The following MAP3K14 variants were observed in gnomAD, a reference collection of about 807,000 sequenced individuals.
MAP3K14 encodes mitogen-activated protein kinase kinase kinase 14, also known as NF-kappa-beta-inducing kinase.
Under a neutral mutation model 99.2 loss-of-function variants are expected in MAP3K14, and 16 were observed. The observed-to-expected ratio is 0.16, with a 90% CI of 0.11 to 0.24. The LOEUF (loss-of-function observed/expected upper bound fraction) is 0.24. Among genes scored for constraint, MAP3K14 ranks in the 10% least tolerant of loss-of-function variants. The probability of loss-of-function intolerance (pLI) is 1.00; values close to 1 mark genes in which losing one functional copy is unlikely to be tolerated. For missense variants in MAP3K14, 784 were observed against 1,208.7 expected, an observed-to-expected ratio of 0.65 and a Z score of 5.21; for synonymous variants, 462 against 492.4, an observed-to-expected ratio of 0.94 and a Z score of 0.82.
At chr17:45,301,833 CT>C (rs34664244) in intron 1 of MAP3K14, among the ~76,000 whole-genome samples, 31,570 of 133,778 alleles carry the variant, frequency 0.24, 2,825 homozygotes, top group Non-Finnish European at 0.29. Context: ...TCTCAGTTCT[CT>C]TTTTTTTTTT....
chr17:45,287,782 C>T (rs1202863879), intron 3 of MAP3K14, among the ~76,000 whole-genome samples: 6 of 152,142 alleles, frequency 3.9e-5, no homozygotes, highest in Non-Finnish European at 7.4e-5. Flanking sequence ...GAGGGGGCCA[C>T]GCTCATGGCA....
intron 1 of MAP3K14, among the ~76,000 whole-genome samples, chr17:45,311,961 A>G (rs555399007): frequency 8.0e-4 from 122 of 152,198 alleles, no homozygotes; most frequent in African/African-American, 2.6e-3. Flanking sequence ...TGCCCCGTCC[A>G]CGATCCCCCC....
In MAP3K14 at chr17:45,263,766, A is replaced by T. The variant is rs1325235485; in HGVS notation, c.*870T>A. 1 of 152,680 alleles carries T rather than the reference A, an allele frequency of 6.5e-6. No homozygotes were observed. Among genetic ancestry groups the T allele is most frequent in the East Asian group, 1.9e-4 (1 of 5,192 alleles). The allele number at this position is 152,680 out of a possible 1,614,324, so 9.5% of individuals were successfully genotyped here. On this transcript the variant is annotated 3_prime_UTR_variant, in exon 16 of 16. Transcript: ENST00000344686. ...AGCGTCTCTCTCTGCTGCTTTCCTT[A>T]GCACTGATCATGTCCATCCACAGAC...
In MAP3K14 at chr17:45,304,862, T is replaced by C. The variant is rs1332986680; in HGVS notation, c.-21+12098A>G. On this transcript the variant is annotated intron_variant, in intron 1 of 15. Coordinates refer to ENST00000344686, the MANE Select transcript of MAP3K14 (RefSeq NM_003954.5). ...GTGTGACCATGGGCAGGTCACATAA[T>C]CTGAGACTCAGGAGTCTTATCTGTA... Among the ~76,000 whole-genome samples the C allele has an allele frequency of 3.9e-5, 6 of 152,296 alleles. No individual in the cohort carries two copies. In the East Asian group the frequency reaches 7.7e-4, roughly 20 times the overall value.
intron 1 of MAP3K14, among the ~76,000 whole-genome samples, chr17:45,313,516 C>T (rs1043533895): frequency 1.3e-5 from 2 of 152,148 alleles, no homozygotes; most frequent in African/African-American, 2.4e-5. Flanking sequence ...ACAGGCAGGC[C>T]GTGGCAGACC....
chr17:45,316,014 C>A (rs2044528701), intron 1 of MAP3K14, among the ~76,000 whole-genome samples: 1 of 152,340 alleles, frequency 6.6e-6, no homozygotes, highest in East Asian at 1.9e-4. Context: ...TCACTCTAAT[C>A]ATTTAATTTC....
intron 11 of MAP3K14, 89 bp downstream of exon 11, chr17:45,270,324 G>A: frequency 6.8e-7 from 1 of 1,470,034 alleles, no homozygotes; most frequent in Non-Finnish European, 9.1e-7. Context: ...GCTCTGAGGG[G>A]TGCCTTGCTC....
Position 45,289,241 on chromosome 17 carries a change from C to G in MAP3K14, c.321G>C (p.Gln107His). Reference sequence around the variant, plus strand: ...GGCTTGTCTCCCCTGCTTACCTGTACTGTTTGGACCCAGCGATGAAAATGC... The same window carrying G: ...GGCTTGTCTCCCCTGCTTACCTGTAGTGTTTGGACCCAGCGATGAAAATGC... Reference protein sequence around the residue: ...SERIFIAGSKQYSQSESLDQI... With the variant: ...SERIFIAGSKHYSQSESLDQI... The change falls in exon 3 of 16, where the codon CAG (glutamine) becomes CAC (histidine). Residue 107 changes from glutamine to histidine, a missense_variant. By Grantham distance (24) the Gln-to-His change is conservative. Transcript: ENST00000344686. 6.2e-7 allele frequency: 1 copy of G among 1,613,822 alleles called. No individual in the cohort carries two copies. The highest frequency in any genetic ancestry group is 8.5e-7 in the Non-Finnish European group (1 of 1,179,752).
At chr17:45,290,377 TC>T (rs2044300884) in intron 2 of MAP3K14, 112 bp downstream of exon 2, 3 of 1,319,770 alleles carry the variant, frequency 2.3e-6, no homozygotes, top group Non-Finnish European at 3.1e-6. Context: ...CTCATGAGAA[TC>T]TTATCTAGCA....
chr17:45,272,732 G>A lies in MAP3K14; in HGVS notation c.1657+771C>T, dbSNP rs1290930343. On this transcript the variant is annotated intron_variant, in intron 9 of 15. Coordinates refer to ENST00000344686, the MANE Select transcript of MAP3K14 (RefSeq NM_003954.5). This position sits in a 1 kb window ranked among gnomAD's most constrained non-coding sequence, Gnocchi z 4.1. Reference sequence around the variant, plus strand: ...AGTGGGGCGGATCACCTAAGGTCTGGAGTTTGAGACTGGCCTGGCCAATAT... The same window carrying A: ...AGTGGGGCGGATCACCTAAGGTCTGAAGTTTGAGACTGGCCTGGCCAATAT... Among the ~76,000 whole-genome samples, 2 of 152,214 alleles carry A rather than the reference G, an allele frequency of 1.3e-5. No individual in the cohort carries two copies. The highest frequency in any genetic ancestry group is 2.9e-5 in the Non-Finnish European group (2 of 68,042).
At chr17:45,287,968 G>A (rs1347896424) in intron 3 of MAP3K14, among the ~76,000 whole-genome samples, 1 of 152,310 alleles carries the variant, frequency 6.6e-6, no homozygotes, top group East Asian at 1.9e-4. Flanking sequence ...TGGCCTCGGG[G>A]CTCATCACTG....
At chr17:45,299,787 T>A (rs1175592134) in intron 1 of MAP3K14, among the ~76,000 whole-genome samples, 1 of 152,138 alleles carries the variant, frequency 6.6e-6, no homozygotes, top group Non-Finnish European at 1.5e-5. Flanking sequence ...AAATCTGACA[T>A]GCCCTCAAAA....
At chr17:45,291,296 C>CTG (rs10578692) in intron 1 of MAP3K14, among the ~76,000 whole-genome samples, 9,405 of 149,802 alleles carry the variant, frequency 0.063, 807 homozygotes, top group African/African-American at 0.19. Flanking sequence ...AGGTAGATAT[C>CTG]TGTGTGTGTG....
At chr17:45,291,076 CT>C in intron 1 of MAP3K14, 2 of 267,760 alleles carry the variant, frequency 7.5e-6, no homozygotes, top group Non-Finnish European at 1.5e-5. Context: ...TCTGGGTTGG[CT>C]CTTTCTTGCC....
At chr17:45,311,580 G>C (rs1203344261) in intron 1 of MAP3K14, among the ~76,000 whole-genome samples, 1 of 152,160 alleles carries the variant, frequency 6.6e-6, no homozygotes, top group Non-Finnish European at 1.5e-5. Context: ...GGATGGCTCA[G>C]GAGTACCCCC....
intron 6 of MAP3K14, among the ~76,000 whole-genome samples, chr17:45,277,761 C>T (rs950844339): frequency 7.2e-5 from 11 of 152,180 alleles, no homozygotes; most frequent in African/African-American, 2.2e-4. Flanking sequence ...GTGAACTACT[C>T]GCTCGAGACA....
rs747187875 is a variant in MAP3K14 at position 45,274,498 on chromosome 17, C to T, written c.1386G>A (p.Gly462=). The change falls in exon 7 of 16, where the codon GGG becomes GGA. Residue 462 remains glycine, a synonymous_variant. Transcript: ENST00000344686. ...GCTCCATGAAGATGTTGACCCAAGGCCCTTCTCTCACAGCTCCATACAAAG... is the reference window on the plus strand; with the variant it reads ...GCTCCATGAAGATGTTGACCCAAGGTCCTTCTCTCACAGCTCCATACAAAG... The part of the protein sequence containing the change: ...IVPLYGAVRE[G]PWVNIFMELL... 65 of 1,613,890 alleles carry T rather than the reference C, an allele frequency of 4.0e-5. 3 individuals carry two copies. In the South Asian group the frequency reaches 7.1e-4, roughly 18 times the overall value.
chr17:45,316,512 T>A (rs1379049428), intron 1 of MAP3K14, among the ~76,000 whole-genome samples: 1 of 152,118 alleles, frequency 6.6e-6, no homozygotes, highest in Non-Finnish European at 1.5e-5. Flanking sequence ...ACCTGAGAAC[T>A]TCCCATGAAA....
In MAP3K14 at chr17:45,266,690, A is replaced by G; in HGVS notation, c.2434-9T>C. 1.2e-6 allele frequency: 2 copies of G among 1,605,478 alleles called. No individual in the cohort carries two copies. Among genetic ancestry groups the G allele is most frequent in the Non-Finnish European group, 1.7e-6 (2 of 1,173,468 alleles). Reference sequence around the variant, plus strand: ...GAGGCCTTTGATGGGTTCTGAAACAACAGGATTGGGTACGGGCTCAGGGCC... The same window carrying G: ...GAGGCCTTTGATGGGTTCTGAAACAGCAGGATTGGGTACGGGCTCAGGGCC... On this transcript the variant is annotated splice_polypyrimidine_tract_variant and intron_variant, in intron 13 of 15. Transcript: ENST00000344686.
Sources: allele counts gnomAD v4.1 joint callset (sites outside exome capture counted in the v4.1 genomes callset), GRCh38; gene constraint gnomAD v4.1.1; non-coding constraint Gnocchi (gnomAD v3.1); transcripts MANE v1.5; gene names NCBI Gene and HGNC (gene_info 2026-07-23, HGNC 2026-07-21).